The following GABPB1 variants were observed in gnomAD, a reference collection of about 807,000 sequenced individuals.
The protein encoded by GABPB1 is GA-binding protein subunit beta-1.
GABPB1 carries 15 observed loss-of-function variants against 45.9 expected under a neutral mutation model. The observed-to-expected ratio is 0.33, with a 90% confidence interval of 0.22 to 0.50. The LOEUF is 0.50. Among genes scored for constraint, GABPB1 ranks in the 20% least tolerant of loss-of-function variants. The probability of loss-of-function intolerance (pLI) is 0.98; values close to 1 mark genes in which losing one functional copy is unlikely to be tolerated. For missense variants in GABPB1, 252 were observed against 457.5 expected (o/e 0.55, Z 4.10); for synonymous variants, 143 against 154.4 (o/e 0.93, Z 0.55).
chr15:50,348,922 G>C (rs2048713400), intron 1 of GABPB1: 1 of 152,018 alleles, frequency 6.6e-6, no homozygotes, highest in African/African-American at 2.4e-5. Context: ...AATCAAAGGA[G>C]ATGGAGGTGG....
intron 1 of GABPB1, among the ~76,000 whole-genome samples, chr15:50,337,071 GTGTGTA>G (rs1595830757): frequency 2.7e-4 from 3 of 11,114 alleles, no homozygotes; most frequent in African/African-American, 4.2e-4. Flanking sequence ...ATGTATATGT[GTGTGTA>G]TATATATATA....
chr15:50,288,343 A>AC (rs1192018313), intron 7 of GABPB1, among the ~76,000 whole-genome samples: 8 of 152,200 alleles, frequency 5.3e-5, no homozygotes, highest in Non-Finnish European at 1.2e-4. Flanking sequence ...GGCATGAGCC[A>AC]CCATACTACT....
At chr15:50,320,725 G>C (rs1219518217) in intron 1 of GABPB1, among the ~76,000 whole-genome samples, 1 of 152,186 alleles carries the variant, frequency 6.6e-6, no homozygotes, top group Non-Finnish European at 1.5e-5. Context: ...TTATAAGAGG[G>C]AGACAGGAGG....
At chr15:50,315,954 C>T (rs1378213223) in intron 1 of GABPB1, among the ~76,000 whole-genome samples, 2 of 152,156 alleles carry the variant, frequency 1.3e-5, no homozygotes, top group African/African-American at 4.8e-5. Context: ...GTCCCAGCTA[C>T]TCAGGTGGCT....
At chr15:50,354,294 G>A (rs1054349029) in intron 1 of GABPB1, 1 of 437,570 alleles carries the variant, frequency 2.3e-6, no homozygotes, top group East Asian at 7.8e-5. Context: ...CTTCAGAACG[G>A]CAGGCTTCTC....
chr15:50,347,552 T>C (rs1184616209), intron 1 of GABPB1: 2 of 151,940 alleles, frequency 1.3e-5, no homozygotes, highest in African/African-American at 4.8e-5. Context: ...TATTTTTTCC[T>C]CTGTTTGGAT....
At chr15:50,337,320 C>T (rs2048184981) in intron 1 of GABPB1, among the ~76,000 whole-genome samples, 1 of 151,420 alleles carries the variant, frequency 6.6e-6, no homozygotes, top group African/African-American at 2.4e-5. Context: ...CCACCTCCAA[C>T]TGTTATGAGA....
intron 6 of GABPB1, among the ~76,000 whole-genome samples, chr15:50,291,479 T>G (rs2046339222): frequency 6.6e-6 from 1 of 151,368 alleles, no homozygotes; most frequent in African/African-American, 2.4e-5. Context: ...CCACCACGCC[T>G]GGTAATTTTT....
At chr15:50,351,060 G>A (rs1035463374) in intron 1 of GABPB1, 1 of 152,312 alleles carries the variant, frequency 6.6e-6, no homozygotes, top group Non-Finnish European at 1.5e-5. Context: ...TTGGAAATGA[G>A]AAAAATTAAG....
intron 1 of GABPB1, among the ~76,000 whole-genome samples, chr15:50,329,882 T>C (rs1371055654): frequency 6.6e-6 from 1 of 151,562 alleles, no homozygotes; most frequent in East Asian, 1.9e-4. Context: ...ATTCATATTC[T>C]TATTCTCCAC....
chr15:50,281,405 G>A (rs2045969461), intron 8 of GABPB1, among the ~76,000 whole-genome samples: 1 of 152,090 alleles, frequency 6.6e-6, no homozygotes, highest in Non-Finnish European at 1.5e-5. Context: ...TAGAGACGGG[G>A]TTTCACCATG....
rs78369321 is a variant in GABPB1, at chr15:50,278,421, C to A, written c.*211G>T. On this transcript the variant is annotated 3_prime_UTR_variant, in exon 9 of 9. Coordinates refer to ENST00000380877, the MANE Select transcript of GABPB1 (RefSeq NM_016654.5). ...ATTTGGAACTGTAAAAAAAAAAAAA[C>A]TATTTACAGAATTCAGTTTTAAATA... 32 of 309,368 alleles carry A rather than the reference C, an allele frequency of 1.0e-4. No individual in the cohort carries two copies. The highest frequency in any genetic ancestry group is 2.8e-4 in the East Asian group (5 of 17,836). The allele number at this position is 309,368 out of a possible 1,614,324, so 19.2% of individuals were successfully genotyped here.
At chr15:50,333,026 A>G (rs2047998386) in intron 1 of GABPB1, among the ~76,000 whole-genome samples, 1 of 152,190 alleles carries the variant, frequency 6.6e-6, no homozygotes, top group Admixed American at 6.6e-5. Flanking sequence ...TGGATATTTA[A>G]TAAAAATTAA....
intron 1 of GABPB1, among the ~76,000 whole-genome samples, chr15:50,338,779 G>A (rs1201729675): frequency 1.1e-4 from 17 of 152,128 alleles, no homozygotes; most frequent in Admixed American, 9.8e-4. Context: ...CTAAACCTCC[G>A]TTTTAAATAT....
intron 1 of GABPB1, chr15:50,353,388 T>C (rs1018734078): frequency 3.9e-5 from 6 of 152,102 alleles, no homozygotes; most frequent in Admixed American, 6.5e-5. Flanking sequence ...TTCTGTTTTT[T>C]GGTTTTTTTT....
chr15:50,307,537 C>A (rs1477766858), intron 2 of GABPB1, among the ~76,000 whole-genome samples: 1 of 152,020 alleles, frequency 6.6e-6, no homozygotes, highest in Non-Finnish European at 1.5e-5. Flanking sequence ...CCCATCTCTA[C>A]TAAAAATACA....
intron 1 of GABPB1, chr15:50,354,672 G>A (rs1348237422): frequency 1.4e-5 from 6 of 420,868 alleles, no homozygotes; most frequent in Non-Finnish European, 2.8e-5. Context: ...CGGCAAGCCG[G>A]GTAGCCGCGA....
At chr15:50,296,562 T>A (rs576439324) in intron 6 of GABPB1, among the ~76,000 whole-genome samples, 51 of 152,240 alleles carry the variant, frequency 3.3e-4, no homozygotes, top group Non-Finnish European at 1.6e-4. Context: ...CACAGACATA[T>A]ACCTTGGGAA....
At position 50,289,498 on chromosome 15, in the gene GABPB1, G is replaced by C; in HGVS notation, c.868C>G (p.Pro290Ala). ...GIGQPIIVTM[P>A]DGQQVLTVPA... ...TACTACTAACCTTGTTGTCCATCTG[G>C]CATGGTCACAATGATGGGCTGACCA... The change falls in exon 7 of 9, where the codon CCA becomes GCA. Residue 290 changes from proline to alanine, a missense_variant. Coordinates refer to ENST00000380877, the MANE Select transcript of GABPB1 (RefSeq NM_016654.5). The C allele has an allele frequency of 6.2e-7, 1 of 1,608,076 alleles. No individual in the cohort carries two copies. The highest frequency in any genetic ancestry group is 8.5e-7 in the Non-Finnish European group (1 of 1,176,982).
Sources: gnomAD v4.1 joint callset for allele counts (sites outside exome capture counted in the v4.1 genomes callset) on GRCh38, gnomAD v4.1.1 for gene constraint, MANE v1.5 for transcripts, NCBI Gene and HGNC (gene_info 2026-07-23, HGNC 2026-07-21) for gene names.